The following TNFSF4 variants were observed in gnomAD, a reference collection of about 807,000 sequenced individuals.
TNFSF4 encodes the protein tumor necrosis factor ligand superfamily member 4.
In TNFSF4, 4 loss-of-function variants were observed where a neutral mutation model predicts 7.3. The observed-to-expected ratio is 0.55, with a 90% CI of 0.27 to 1.25. The LOEUF is 1.25. Among genes scored for constraint, TNFSF4 ranks in the 50% most tolerant of loss-of-function variants. TNFSF4 has a pLI of 0.12. For missense variants in TNFSF4, 181 were observed against 208.8 expected, an observed-to-expected ratio of 0.87 and a Z score of 0.82; for synonymous variants, 76 against 83.7, an observed-to-expected ratio of 0.91 and a Z score of 0.50.
At chr1:173,343,922 C>T in the TNFSF4 span, among the ~76,000 whole-genome samples, 1 of 152,146 alleles carries the variant, frequency 6.6e-6, no homozygotes, top group Non-Finnish European at 1.5e-5. Flanking sequence ...AAGGAACAGA[C>T]AGGTGTTAGA....
chr1:173,407,606 A>G, the TNFSF4 span, among the ~76,000 whole-genome samples: 39 of 151,618 alleles, frequency 2.6e-4, no homozygotes, highest in African/African-American at 9.2e-4. Flanking sequence ...GAAAGTGAAA[A>G]CTAGAATGAA....
chr1:173,214,814 C>T, the TNFSF4 span, among the ~76,000 whole-genome samples: 2 of 152,126 alleles, frequency 1.3e-5, no homozygotes, highest in South Asian at 2.1e-4. Flanking sequence ...AATCCTCCTG[C>T]GAACACTCTG....
chr1:173,414,554 G>T, the TNFSF4 span, among the ~76,000 whole-genome samples: 7 of 152,144 alleles, frequency 4.6e-5, no homozygotes. Flanking sequence ...ATAAAGCCTT[G>T]GCACTTTTCA....
chr1:173,436,568 C>T, the TNFSF4 span, among the ~76,000 whole-genome samples: 2 of 152,190 alleles, frequency 1.3e-5, no homozygotes, highest in Non-Finnish European at 1.5e-5. Context: ...TGCCACCACA[C>T]CTGGCTAATT....
chr1:173,250,694 C>T, the TNFSF4 span, among the ~76,000 whole-genome samples: 1 of 152,038 alleles, frequency 6.6e-6, no homozygotes, highest in Non-Finnish European at 1.5e-5. Context: ...CTTCTGACCT[C>T]GTGATCCGCC....
chr1:173,358,094 G>C, the TNFSF4 span, among the ~76,000 whole-genome samples: 1 of 152,188 alleles, frequency 6.6e-6, no homozygotes, highest in Non-Finnish European at 1.5e-5. Context: ...TAATCACAAT[G>C]GTCCTTACAG....
At chr1:173,246,549 A>G in the TNFSF4 span, among the ~76,000 whole-genome samples, 1 of 152,206 alleles carries the variant, frequency 6.6e-6, no homozygotes, top group Non-Finnish European at 1.5e-5. Flanking sequence ...TGTGACACAT[A>G]TACACCTCTA....
At chr1:173,242,218 A>G in the TNFSF4 span, among the ~76,000 whole-genome samples, 5 of 152,178 alleles carry the variant, frequency 3.3e-5, no homozygotes, top group Non-Finnish European at 5.9e-5. Context: ...TAGAGTGGCC[A>G]AAATACTCAC....
At chr1:173,243,085 C>T in the TNFSF4 span, among the ~76,000 whole-genome samples, 7 of 149,074 alleles carry the variant, frequency 4.7e-5, no homozygotes, top group South Asian at 1.1e-3. Flanking sequence ...TCTCTCTGAC[C>T]TCCTTGCTCA....
At chr1:173,415,170 G>GC in the TNFSF4 span, among the ~76,000 whole-genome samples, 2 of 152,314 alleles carry the variant, frequency 1.3e-5, no homozygotes, top group African/African-American at 4.8e-5. Context: ...CTTGAATAAA[G>GC]TGTTCGTTGC....
the TNFSF4 span, among the ~76,000 whole-genome samples, chr1:173,390,762 T>TTC: frequency 6.7e-6 from 1 of 149,164 alleles, no homozygotes; most frequent in Non-Finnish European, 1.5e-5. Flanking sequence ...TTTTTTTTTT[T>TTC]GAGATAGAGT....
the TNFSF4 span, among the ~76,000 whole-genome samples, chr1:173,446,189 T>C: frequency 7.3e-5 from 11 of 151,530 alleles, no homozygotes; most frequent in Admixed American, 1.3e-4. Context: ...ATCGTAACTA[T>C]GCTCCACAAA....
the TNFSF4 span, among the ~76,000 whole-genome samples, chr1:173,245,410 C>T: frequency 1.6e-4 from 25 of 152,156 alleles, no homozygotes; most frequent in Non-Finnish European, 2.9e-5. Flanking sequence ...TCAGTTACTA[C>T]AAGCAAAATG....
At chr1:173,317,265 C>A in the TNFSF4 span, among the ~76,000 whole-genome samples, 1 of 152,234 alleles carries the variant, frequency 6.6e-6, no homozygotes, top group Admixed American at 6.5e-5. Context: ...CCACCATCAA[C>A]ACCATGTTAA....
At chr1:173,413,926 G>T in the TNFSF4 span, among the ~76,000 whole-genome samples, 1 of 152,286 alleles carries the variant, frequency 6.6e-6, no homozygotes, top group African/African-American at 2.4e-5. Context: ...CTTCTACTGT[G>T]TGAATTTTCC....
chr1:173,376,777 T>C, the TNFSF4 span, among the ~76,000 whole-genome samples: 349 of 152,338 alleles, frequency 2.3e-3, 5 homozygotes, highest in African/African-American at 8.1e-3. Flanking sequence ...TTCCACACTG[T>C]GGAAGCTTTG....
At chr1:173,242,922 T>C in the TNFSF4 span, among the ~76,000 whole-genome samples, 1 of 144,296 alleles carries the variant, frequency 6.9e-6, no homozygotes, top group Non-Finnish European at 1.5e-5. Flanking sequence ...TACTTTGTTA[T>C]ATTAGAAAGC....
the TNFSF4 span, among the ~76,000 whole-genome samples, chr1:173,376,536 AAAG>A: frequency 6.6e-5 from 10 of 152,288 alleles, no homozygotes; most frequent in East Asian, 1.9e-3. Flanking sequence ...CTGTCTAGCT[AAAG>A]AATTGTAAAC....
At chr1:173,307,353 C>T in the TNFSF4 span, among the ~76,000 whole-genome samples, 1 of 151,730 alleles carries the variant, frequency 6.6e-6, no homozygotes, top group African/African-American at 2.4e-5. Context: ...AGCAGTCAAA[C>T]CCAAATTCAA....
Sources: gnomAD v4.1 joint callset for allele counts (sites outside exome capture counted in the v4.1 genomes callset) on GRCh38, gnomAD v4.1.1 for gene constraint, MANE v1.5 for transcripts, NCBI Gene and HGNC (gene_info 2026-07-23, HGNC 2026-07-21) for gene names.